The following ZNF407 variants were observed in gnomAD, a reference collection of about 807,000 sequenced individuals.
ZNF407 encodes zinc finger protein 407.
Under a neutral mutation model 131.2 loss-of-function variants are expected in ZNF407, and 17 were observed. The ratio of observed to expected loss-of-function variants is 0.13; its 90% confidence interval spans 0.09 to 0.19. The LOEUF is 0.19. ZNF407 is among the 10% of genes least tolerant of loss of function. ZNF407 has a pLI of 1.00. For synonymous variants in ZNF407, 1,156 were observed against 1,062.0 expected, an observed-to-expected ratio of 1.09 and a Z score of -1.72; for missense variants, 2,681 against 2,830.6, an observed-to-expected ratio of 0.95 and a Z score of 1.20.
At chr18:74,670,874 C>G (rs1040644089) in intron 3 of ZNF407, among the ~76,000 whole-genome samples, 2 of 152,202 alleles carry the variant, frequency 1.3e-5, no homozygotes, top group African/African-American at 4.8e-5. Context: ...CTGTGTTGCC[C>G]AGGCTGGTCT....
chr18:74,734,049 A>G (rs541051601), intron 3 of ZNF407, among the ~76,000 whole-genome samples: 94 of 152,012 alleles, frequency 6.2e-4, no homozygotes, highest in Non-Finnish European at 9.9e-4. Context: ...AGAGGCCCAC[A>G]TCGGTTCATT....
rs114000660 is a variant in ZNF407 at position 74,710,184 on chromosome 18, C to T, written c.4802+69062C>T. Among the ~76,000 whole-genome samples, 963 of 152,222 alleles carry T rather than the reference C, an allele frequency of 6.3e-3. 7 individuals carry two copies. The highest frequency in any genetic ancestry group is 0.022 in the African/African-American group (900 of 41,540). On this transcript the variant is annotated intron_variant, in intron 3 of 8. Transcript: ENST00000299687. ...AATATTTAAGTTTTCATGATTTTTG[C>T]ACATTACCTCTGTTATATTTAATTG...
intron 3 of ZNF407, among the ~76,000 whole-genome samples, chr18:74,726,122 T>G (rs1341438969): frequency 6.6e-6 from 1 of 152,226 alleles, no homozygotes; most frequent in Non-Finnish European, 1.5e-5. Flanking sequence ...TTCAGTGACA[T>G]GAGTTGCAAT....
chr18:74,909,300 T>C (rs1186923210), intron 7 of ZNF407, among the ~76,000 whole-genome samples: 1 of 152,078 alleles, frequency 6.6e-6, no homozygotes, highest in African/African-American at 2.4e-5. Flanking sequence ...GTTGAACTCA[T>C]TTGTGTTTAA....
At chr18:74,845,010 G>A (rs1461608603) in intron 4 of ZNF407, among the ~76,000 whole-genome samples, 2 of 152,194 alleles carry the variant, frequency 1.3e-5, no homozygotes, top group African/African-American at 2.4e-5. Flanking sequence ...TGATGATTCC[G>A]GAGTAAAGCG....
rs373080209 is a variant in ZNF407, at chr18:75,063,874, C to T, written c.6153C>T (p.Ala2051=). 1.7e-5 allele frequency: 28 copies of T among 1,612,180 alleles called. No homozygotes were observed. Among genetic ancestry groups the T allele is most frequent in the South Asian group, 1.5e-4 (14 of 91,026 alleles). ...QMFPQAQESP[A]AVEVLTQVVH... ...TCCCACAGGCCCAGGAGAGCCCGGC[C>T]GCCGTGGAGGTGCTCACCCAGGTGG... The change falls in exon 9 of 9, where the codon GCC becomes GCT. Residue 2051 remains alanine, a synonymous_variant. Transcript: ENST00000299687. This position sits in a 1 kb window ranked among gnomAD's most constrained non-coding sequence, Gnocchi z 6.6.
At chr18:74,793,325 T>G (rs1242776606) in intron 4 of ZNF407, among the ~76,000 whole-genome samples, 4 of 152,208 alleles carry the variant, frequency 2.6e-5, no homozygotes. Context: ...ATATTTTTAG[T>G]TTTCAGGTTT....
intron 8 of ZNF407, among the ~76,000 whole-genome samples, chr18:75,004,903 C>T (rs1972890362): frequency 6.6e-6 from 1 of 152,096 alleles, no homozygotes; most frequent in South Asian, 2.1e-4. Context: ...CTTCTGGCAG[C>T]GCTGGGATGG....
intron 3 of ZNF407, among the ~76,000 whole-genome samples, chr18:74,778,421 G>A (rs1469655031): frequency 6.6e-6 from 1 of 152,144 alleles, no homozygotes; most frequent in Non-Finnish European, 1.5e-5. Context: ...TGCTGACACT[G>A]TAAGATCCTT....
At chr18:74,756,723 C>T (rs536144529) in intron 3 of ZNF407, among the ~76,000 whole-genome samples, 57 of 122,228 alleles carry the variant, frequency 4.7e-4, no homozygotes, top group African/African-American at 1.7e-3. Flanking sequence ...ATCCTGTCAT[C>T]TGTGAATATG....
intron 3 of ZNF407, among the ~76,000 whole-genome samples, chr18:74,740,688 C>T (rs748702427): frequency 9.2e-5 from 14 of 152,116 alleles, no homozygotes; most frequent in Non-Finnish European, 1.3e-4. Flanking sequence ...CTTTAGACCA[C>T]TCCTGGGTTT....
intron 8 of ZNF407, among the ~76,000 whole-genome samples, chr18:75,023,179 T>C (rs1973131639): frequency 1.3e-5 from 2 of 151,828 alleles, no homozygotes; most frequent in Admixed American, 6.6e-5. Flanking sequence ...GGGTCTGAAG[T>C]AGGGGGGCAG....
chr18:74,621,103 C>T (rs910984202), intron 1 of ZNF407, among the ~76,000 whole-genome samples: 20 of 22,920 alleles, frequency 8.7e-4, no homozygotes, highest in African/African-American at 1.4e-3. Flanking sequence ...TACTGTATCT[C>T]TTTATTATTA....
intron 3 of ZNF407, among the ~76,000 whole-genome samples, chr18:74,716,156 T>G (rs1463371838): frequency 6.6e-6 from 1 of 152,212 alleles, no homozygotes. Context: ...GTTTTTAATT[T>G]TTAGTTGTAT....
At chr18:74,807,844 TCACGGACACATA>T (rs771225555) in intron 4 of ZNF407, among the ~76,000 whole-genome samples, 1 of 152,172 alleles carries the variant, frequency 6.6e-6, no homozygotes, top group Non-Finnish European at 1.5e-5. Context: ...CAGTACATAC[TCACGGACACATA>T]CATTGATGTA....
chr18:74,784,010 T>C (rs1969658612), intron 4 of ZNF407, among the ~76,000 whole-genome samples: 1 of 152,198 alleles, frequency 6.6e-6, no homozygotes, highest in South Asian at 2.1e-4. Flanking sequence ...TGGTATAATC[T>C]AGAAGCAGAA....
chr18:74,701,888 T>C (rs975874524), intron 3 of ZNF407, among the ~76,000 whole-genome samples: 1 of 152,220 alleles, frequency 6.6e-6, no homozygotes, highest in Admixed American at 6.5e-5. Flanking sequence ...CCCTTATAAA[T>C]AAATAAAATG....
At chr18:74,895,900 C>T (rs2145202688) in intron 7 of ZNF407, among the ~76,000 whole-genome samples, 1 of 152,278 alleles carries the variant, frequency 6.6e-6, no homozygotes, top group East Asian at 1.9e-4. Flanking sequence ...TTTCAGTTTT[C>T]CTTTTGCTTC....
rs115062124 is a variant in ZNF407, at chr18:74,829,987, G to C, written c.4878-47210G>C. Among the ~76,000 whole-genome samples, 684 of 152,236 alleles carry C rather than the reference G, an allele frequency of 4.5e-3. 4 individuals are homozygous for C. The highest frequency in any genetic ancestry group is 0.015 in the African/African-American group (627 of 41,528). The stretch of plus-strand genomic sequence containing the variant: ...TATAGTAGGTTCTATGAGTTTATAA[G>C]GGAGGGACCCTATTTTGATGGGATT... On this transcript the variant is annotated intron_variant, in intron 4 of 8. Coordinates refer to ENST00000299687, the MANE Select transcript of ZNF407 (RefSeq NM_017757.3).
Sources: allele counts gnomAD v4.1 joint callset (sites outside exome capture counted in the v4.1 genomes callset), GRCh38; gene constraint gnomAD v4.1.1; non-coding constraint Gnocchi (gnomAD v3.1); transcripts MANE v1.5; gene names NCBI Gene and HGNC (gene_info 2026-07-23, HGNC 2026-07-21).